The following WDR18 variants were observed in gnomAD, a reference collection of about 807,000 sequenced individuals.
The protein encoded by WDR18 is WD repeat-containing protein 18.
Under a neutral mutation model 49.6 loss-of-function variants are expected in WDR18, and 33 were observed. The observed-to-expected ratio is 0.67, with a 90% confidence interval of 0.50 to 0.89. WDR18 has a LOEUF of 0.89. Among genes scored for constraint, WDR18 ranks in the 40% least tolerant of loss-of-function variants. The pLI, the probability that WDR18 is intolerant of heterozygous loss-of-function variation, is 0.00. For synonymous variants in WDR18, 315 were observed against 263.6 expected (o/e 1.19, Z -1.89); for missense variants, 653 against 593.6 (o/e 1.10, Z -1.04).
At chr19:985,668 C>T (rs1165867562) in intron 1 of WDR18, among the ~76,000 whole-genome samples, 197 bp from the exon 2 acceptor site, 1 of 152,196 alleles carries the variant, frequency 6.6e-6, no homozygotes, top group Non-Finnish European at 1.5e-5. Context: ...CATCTACCAC[C>T]TCCAGCCTCG....
In WDR18 at chr19:989,855, G is replaced by C. The variant is rs2038520953; in HGVS notation, c.415G>C (p.Gly139Arg). Residue 139 changes from glycine to arginine, a missense_variant, in exon 3 of 10, where the codon GGG (glycine) becomes CGG (arginine). By Grantham distance (125) the Gly-to-Arg change is moderately radical. Coordinates refer to ENST00000585809, the MANE Select transcript of WDR18 (RefSeq NM_024100.4). Reference protein sequence around the residue: ...FTGDSSHFISGGKDCLVLVWS... With the variant: ...FTGDSSHFISRGKDCLVLVWS... ...AGGGGACAGCAGCCACTTCATCTCAGGGGGCAAGGACTGCCTGGTGCTGGT... is the reference window on the plus strand; with the variant it reads ...AGGGGACAGCAGCCACTTCATCTCACGGGGCAAGGACTGCCTGGTGCTGGT... 1 of 1,612,518 alleles carries C rather than the reference G, an allele frequency of 6.2e-7. No individual in the cohort carries two copies. Among genetic ancestry groups the C allele is most frequent in the East Asian group, 2.2e-5 (1 of 44,878 alleles).
intron 4 of WDR18, 125 bp downstream of exon 4, chr19:990,489 C>G (rs1307764344): frequency 1.5e-6 from 2 of 1,320,318 alleles, no homozygotes; most frequent in South Asian, 1.6e-5. Flanking sequence ...CTTTTAATCC[C>G]CTGGTGCTCT....
chr19:991,377 G>C (rs918374347), intron 7 of WDR18, 26 bp downstream of exon 7: 12 of 1,533,378 alleles, frequency 7.8e-6, no homozygotes, highest in Non-Finnish European at 9.7e-6. Context: ...CTCGGCCCGC[G>C]GCCAGCGCGC....
chr19:985,478 C>G (rs1264936996), intron 1 of WDR18, among the ~76,000 whole-genome samples: 1 of 152,126 alleles, frequency 6.6e-6, no homozygotes, highest in Non-Finnish European at 1.5e-5. Flanking sequence ...CTGAGTTTTC[C>G]CATTTTAGAG....
In WDR18 at chr19:992,090, G is replaced by T; in HGVS notation, c.1067G>T (p.Gly356Val). ...AEHGDEPRHGGLTLRLGLHQQ... is the reference protein window; with the variant it reads ...AEHGDEPRHGVLTLRLGLHQQ... ...CACGGGGACGAGCCGCGCCACGGGG[G>T]CCTCACTCTGCGCCTGGGCCTCCAC... Residue 356 changes from glycine (G) to valine (V), a missense_variant, in exon 8 of 10, where the codon GGC (glycine) becomes GTC (valine). Physicochemically the swap from Gly to Val is moderately radical, Grantham distance 109. Coordinates refer to ENST00000585809, the MANE Select transcript of WDR18 (RefSeq NM_024100.4). The T allele has an allele frequency of 6.5e-7, 1 of 1,533,534 alleles. No individual in the cohort carries two copies. Among genetic ancestry groups the T allele is most frequent in the Non-Finnish European group, 8.7e-7 (1 of 1,145,558 alleles). 95.0% of individuals were successfully genotyped at this position (1,533,534 alleles called of 1,614,324 possible).
At chr19:991,847 G>T in intron 7 of WDR18, 108 bp from the exon 8 acceptor site, 1 of 1,259,950 alleles carries the variant, frequency 7.9e-7, no homozygotes, top group Non-Finnish European at 1.0e-6. Context: ...TGGCTGTGGG[G>T]CGGGGACTGG....
intron 8 of WDR18, 69 bp from the exon 9 acceptor site, chr19:993,951 G>A (rs1001420949): frequency 7.2e-6 from 11 of 1,522,256 alleles, no homozygotes; most frequent in Non-Finnish European, 9.7e-6. Flanking sequence ...GCTGGCGGGG[G>A]TGGGATGGGC....
chr19:987,878 G>A (rs1427914943), intron 2 of WDR18, among the ~76,000 whole-genome samples: 6 of 132,844 alleles, frequency 4.5e-5, no homozygotes, highest in Admixed American at 8.0e-5. Context: ...TCTGTTGCCC[G>A]GGCTGGAGTG....
intron 2 of WDR18, among the ~76,000 whole-genome samples, chr19:989,183 C>G (rs1354957558): frequency 2.3e-5 from 3 of 128,966 alleles, no homozygotes; most frequent in Non-Finnish European, 5.0e-5. Flanking sequence ...TCTCAGTCCT[C>G]GAACCCACAA....
chr19:991,512 A>G (rs1457159413), intron 7 of WDR18, among the ~76,000 whole-genome samples, 161 bp downstream of exon 7: 10 of 47,190 alleles, frequency 2.1e-4, no homozygotes, highest in Admixed American at 4.8e-4. Context: ...GGGGGAGTGG[A>G]CTGGCTGTGG....
At position 992,021 on chromosome 19, in the gene WDR18, G is replaced by A; in HGVS notation, c.998G>A (p.Ser333Asn). ...VSMLSSDFRPSLPLPHFNKHL... is the reference protein window; with the variant it reads ...VSMLSSDFRPNLPLPHFNKHL... ...ATGCTGAGCTCAGACTTCAGGCCCAGCCTGCCGCTGCCCCACTTCAACAAG... is the reference window on the plus strand; with the variant it reads ...ATGCTGAGCTCAGACTTCAGGCCCAACCTGCCGCTGCCCCACTTCAACAAG... The change falls in exon 8 of 10, where the codon AGC becomes AAC. Residue 333 changes from serine (S) to asparagine (N), a missense_variant. Coordinates refer to ENST00000585809, the MANE Select transcript of WDR18 (RefSeq NM_024100.4). 1 of 1,593,860 alleles carries A rather than the reference G, an allele frequency of 6.3e-7. No homozygotes were observed. Among genetic ancestry groups the A allele is most frequent in the Non-Finnish European group, 8.5e-7 (1 of 1,174,388 alleles).
In WDR18 at chr19:985,984, A is replaced by C. The variant is rs992206644; in HGVS notation, c.321+9A>C. On this transcript the variant is annotated intron_variant, in intron 2 of 9. Transcript: ENST00000585809. ...GCATCCACCTGTGGGAGGTAAGAGG[A>C]GCAAAGCGTGAGCGTTTCCCACAGG... The C allele has an allele frequency of 1.1e-5, 18 of 1,612,566 alleles. No homozygotes were observed. Among genetic ancestry groups the C allele is most frequent in the Admixed American group, 1.0e-4 (6 of 59,984 alleles).
intron 8 of WDR18, 29 bp from the exon 9 acceptor site, chr19:993,991 C>G: frequency 3.2e-6 from 5 of 1,548,526 alleles, no homozygotes; most frequent in Non-Finnish European, 4.4e-6. Context: ...AGGACGCGCC[C>G]CGAGGTCACG....
intron 4 of WDR18, 58 bp from the exon 5 acceptor site, chr19:990,794 A>G (rs1278379021): frequency 2.6e-6 from 4 of 1,539,584 alleles, no homozygotes; most frequent in Admixed American, 2.0e-5. Flanking sequence ...CCCTGTTCCC[A>G]TGGGGTCCTC....
chr19:988,170 G>C (rs532494272), intron 2 of WDR18, among the ~76,000 whole-genome samples: 10 of 152,072 alleles, frequency 6.6e-5, no homozygotes, highest in Non-Finnish European at 1.2e-4. Flanking sequence ...GACCATGAAG[G>C]GGTGTCCCAC....
intron 2 of WDR18, among the ~76,000 whole-genome samples, chr19:988,975 C>T (rs2145506801): frequency 7.0e-6 from 1 of 142,714 alleles, no homozygotes; most frequent in Non-Finnish European, 1.5e-5. Context: ...AAACACGATT[C>T]AATCCACAAC....
intron 1 of WDR18, among the ~76,000 whole-genome samples, 170 bp from the exon 2 acceptor site, chr19:985,695 C>T (rs1198411992): frequency 2.6e-5 from 4 of 152,178 alleles, no homozygotes; most frequent in Non-Finnish European, 4.4e-5. Flanking sequence ...CTTGCAGGGG[C>T]GAACACTTCC....
rs909938460 is a variant in WDR18 at position 989,704 on chromosome 19, C to T, written c.322-58C>T. On this transcript the variant is annotated intron_variant, in intron 2 of 9. Coordinates refer to ENST00000585809, the MANE Select transcript of WDR18 (RefSeq NM_024100.4). ...GTGGTGGGTTCCTGGGGCTGCAGCC[C>T]CCCTTTCCTCCCCTGGGGCTTTCCT... is the stretch of plus-strand genomic sequence containing the variant. The T allele has an allele frequency of 6.9e-6, 11 of 1,600,966 alleles. No homozygotes were observed. In the African/African-American group the frequency reaches 1.3e-4, roughly 20 times the overall value.
chr19:992,063 AGCACGGGGACGAGCCGC>A lies in WDR18; in HGVS notation c.1043_1059del (p.His348ProfsTer145). ...TTCAACAAGCACCTGCTGGGCGCCG[AGCACGGGGACGAGCCGC>A]GCCACGGGGGCCTCACTCTGCGCCT... On this transcript the variant is annotated frameshift_variant, in exon 8 of 10. Coordinates refer to ENST00000585809, the MANE Select transcript of WDR18 (RefSeq NM_024100.4). LOFTEE classifies it high-confidence loss of function. 1 of 1,571,266 alleles carries A rather than the reference AGCACGGGGACGAGCCGC, an allele frequency of 6.4e-7. No homozygotes were observed.
Sources: allele counts gnomAD v4.1 joint callset (sites outside exome capture counted in the v4.1 genomes callset), GRCh38; gene constraint gnomAD v4.1.1; transcripts MANE v1.5; gene names NCBI Gene and HGNC (gene_info 2026-07-23, HGNC 2026-07-21).